Variants in WDR70 observed in about 807,000 individuals in gnomAD.
WDR70 encodes the protein WD repeat domain 70.
In WDR70, 53 loss-of-function variants were observed where a neutral mutation model predicts 88.6. The ratio of observed to expected loss-of-function variants is 0.60; its 90% CI spans 0.48 to 0.75. The LOEUF (loss-of-function observed/expected upper bound fraction) is 0.75. Ranked by LOEUF, WDR70 falls within the 30% of genes least tolerant of loss-of-function variation. The pLI, the probability that WDR70 is intolerant of heterozygous loss-of-function variation, is 0.00. For synonymous variants in WDR70, 280 were observed against 270.0 expected (o/e 1.04, Z -0.36); for missense variants, 610 against 823.2 (o/e 0.74, Z 3.17).
At chr5:37,735,905 C>A (rs1748292170) in intron 17 of WDR70, among the ~76,000 whole-genome samples, 1 of 152,134 alleles carries the variant, frequency 6.6e-6, no homozygotes, top group Non-Finnish European at 1.5e-5. Flanking sequence ...GACATACACT[C>A]ACCAATATCC....
At chr5:37,393,562 C>A (rs1450508717) in intron 4 of WDR70, among the ~76,000 whole-genome samples, 4 of 151,794 alleles carry the variant, frequency 2.6e-5, no homozygotes, top group African/African-American at 9.7e-5. Flanking sequence ...GTTTTGTTTC[C>A]ATTTTCTTTT....
intron 5 of WDR70, among the ~76,000 whole-genome samples, chr5:37,406,579 C>G (rs566577084): frequency 6.6e-6 from 1 of 152,260 alleles, no homozygotes; most frequent in South Asian, 2.1e-4. Context: ...AAATTCTCCA[C>G]TCAGATTATG....
chr5:37,642,564 A>G (rs1216069428), intron 10 of WDR70, among the ~76,000 whole-genome samples: 1 of 152,152 alleles, frequency 6.6e-6, no homozygotes. Context: ...AGTTTGGCAA[A>G]AGCTCCAAAC....
chr5:37,537,563 A>G (rs1307170649), intron 9 of WDR70, among the ~76,000 whole-genome samples: 1 of 152,188 alleles, frequency 6.6e-6, no homozygotes, highest in African/African-American at 2.4e-5. Flanking sequence ...AAAATGGGCA[A>G]TTAGCACCCA....
intron 8 of WDR70, among the ~76,000 whole-genome samples, chr5:37,487,625 G>GT (rs1739922838): frequency 1.7e-4 from 2 of 11,714 alleles, no homozygotes; most frequent in African/African-American, 2.8e-4. Flanking sequence ...ATATATATAT[G>GT]TATTTTTTTT....
intron 10 of WDR70, among the ~76,000 whole-genome samples, chr5:37,625,990 T>C (rs892804337): frequency 6.7e-6 from 1 of 149,266 alleles, no homozygotes; most frequent in East Asian, 1.9e-4. Context: ...AATTCTGTTA[T>C]GGGTTCTAAG....
At chr5:37,512,349 A>G (rs1220934921) in intron 8 of WDR70, among the ~76,000 whole-genome samples, 3 of 151,976 alleles carry the variant, frequency 2.0e-5, no homozygotes, top group Admixed American at 2.0e-4. Flanking sequence ...AGCCTCCCAA[A>G]TAACTGGGAC....
At chr5:37,704,708 A>C (rs977985156) in intron 13 of WDR70, among the ~76,000 whole-genome samples, 1 of 152,164 alleles carries the variant, frequency 6.6e-6, no homozygotes, top group African/African-American at 2.4e-5. Flanking sequence ...AATAGCTCTT[A>C]ATATTAATTG....
intron 8 of WDR70, among the ~76,000 whole-genome samples, chr5:37,483,766 G>T (rs1475059255): frequency 6.7e-6 from 1 of 149,700 alleles, no homozygotes; most frequent in Non-Finnish European, 1.5e-5. Context: ...GGCTGGCCGG[G>T]CGGGGGCTGA....
intron 8 of WDR70, among the ~76,000 whole-genome samples, chr5:37,499,957 T>C (rs1356234036): frequency 1.3e-5 from 2 of 152,192 alleles, no homozygotes; most frequent in Admixed American, 1.3e-4. Flanking sequence ...TTTTTAAAAA[T>C]TTCAATAGCT....
intron 8 of WDR70, among the ~76,000 whole-genome samples, chr5:37,504,012 A>C (rs1284571262): frequency 6.6e-6 from 1 of 152,110 alleles, no homozygotes; most frequent in East Asian, 1.9e-4. Context: ...GCTTTTTACC[A>C]AACACAGATT....
At chr5:37,719,361 A>G (rs572965087) in intron 13 of WDR70, among the ~76,000 whole-genome samples, 1 of 142,148 alleles carries the variant, frequency 7.0e-6, no homozygotes, top group Non-Finnish European at 1.5e-5. Context: ...CCCCCCCCCA[A>G]AAAATACCCA....
At chr5:37,591,195 T>G (rs1021467546) in intron 9 of WDR70, among the ~76,000 whole-genome samples, 2 of 152,050 alleles carry the variant, frequency 1.3e-5, no homozygotes, top group African/African-American at 4.8e-5. Context: ...TAGCCAGGCA[T>G]AGTGGCTCGT....
chr5:37,682,271 A>G (rs1365952225), intron 10 of WDR70, among the ~76,000 whole-genome samples: 1 of 152,088 alleles, frequency 6.6e-6, no homozygotes, highest in Non-Finnish European at 1.5e-5. Context: ...AGTCAGTGAT[A>G]ATAACCCCTT....
chr5:37,402,905 T>G (rs1276845879), intron 5 of WDR70, among the ~76,000 whole-genome samples: 1 of 146,440 alleles, frequency 6.8e-6, no homozygotes, highest in Non-Finnish European at 1.5e-5. Flanking sequence ...CTTCCTTCCT[T>G]CCTTCCTTCC....
At chr5:37,492,838 G>T (rs1210716699) in intron 8 of WDR70, among the ~76,000 whole-genome samples, 1 of 152,178 alleles carries the variant, frequency 6.6e-6, no homozygotes, top group Non-Finnish European at 1.5e-5. Flanking sequence ...GATGACAAAG[G>T]ATGCTAACAT....
chr5:37,457,328 T>C (rs1196810549), intron 7 of WDR70, among the ~76,000 whole-genome samples: 5 of 152,160 alleles, frequency 3.3e-5, no homozygotes. Flanking sequence ...ACTCCTGACC[T>C]CAAGTGATCC....
intron 9 of WDR70, among the ~76,000 whole-genome samples, chr5:37,559,863 T>C (rs1026464542): frequency 2.0e-5 from 3 of 151,884 alleles, no homozygotes; most frequent in African/African-American, 7.2e-5. Flanking sequence ...AAAAAAAACT[T>C]TTTGAAAGCC....
chr5:37,672,309 C>T (rs1342330556), intron 10 of WDR70, among the ~76,000 whole-genome samples: 1 of 151,994 alleles, frequency 6.6e-6, no homozygotes. Flanking sequence ...GCCTGACACC[C>T]GTGAAGCGTC....
Sources: allele counts gnomAD v4.1 joint callset (sites outside exome capture counted in the v4.1 genomes callset), GRCh38; gene constraint gnomAD v4.1.1; transcripts MANE v1.5; gene names NCBI Gene and HGNC (gene_info 2026-07-23, HGNC 2026-07-21).